RHOD: variants seen among roughly 807,000 people sequenced by gnomAD.
RHOD encodes ras homolog family member D.
RHOD carries 11 observed loss-of-function variants against 16.7 expected under a neutral mutation model. The observed-to-expected ratio is 0.66, with a 90% CI of 0.41 to 1.09. The LOEUF (loss-of-function observed/expected upper bound fraction) is 1.09, where lower values mean the gene tolerates loss of function less well. Ranked by LOEUF, RHOD falls within the 50% of genes least tolerant of loss-of-function variation. The pLI is 0.00. For synonymous variants in RHOD, 124 were observed against 126.3 expected (o/e 0.98, Z 0.12); for missense variants, 271 against 291.7 (o/e 0.93, Z 0.52).
At chr11:67,061,651 T>C (rs1227362396) in intron 1 of RHOD, among the ~76,000 whole-genome samples, 3 of 104,048 alleles carry the variant, frequency 2.9e-5, no homozygotes, top group Non-Finnish European at 5.9e-5. Context: ...AAAAAAAAAA[T>C]CAAACCCGGG....
intron 4 of RHOD, 126 bp from the exon 5 acceptor site, chr11:67,071,309 C>A (rs1855026381): frequency 1.3e-6 from 1 of 781,898 alleles, no homozygotes; most frequent in Non-Finnish European, 1.9e-6. Context: ...CTTGGGCAAG[C>A]AGGGATACGG....
intron 1 of RHOD, among the ~76,000 whole-genome samples, chr11:67,060,021 C>A (rs895202613): frequency 1.3e-5 from 2 of 152,228 alleles, no homozygotes; most frequent in Non-Finnish European, 2.9e-5. Flanking sequence ...AGGGGGAAGC[C>A]CCAGGCTGGG....
chr11:67,060,035 C>T (rs1854867495), intron 1 of RHOD, among the ~76,000 whole-genome samples: 1 of 152,232 alleles, frequency 6.6e-6, no homozygotes, highest in Non-Finnish European at 1.5e-5. Flanking sequence ...GGCTGGGGTG[C>T]CAGCCTCTGC....
At chr11:67,069,560 T>C (rs1053126868) in intron 3 of RHOD, among the ~76,000 whole-genome samples, 7 of 152,022 alleles carry the variant, frequency 4.6e-5, no homozygotes, top group Admixed American at 3.9e-4. Context: ...GGTTTCCCCT[T>C]GTTGGCCAGG....
chr11:67,066,908 C>A, intron 3 of RHOD, 61 bp downstream of exon 3: 1 of 1,083,846 alleles, frequency 9.2e-7, no homozygotes, highest in Non-Finnish European at 1.4e-6. Context: ...CTCTGCCACC[C>A]ACCCTCGACC....
rs1652827218 is a variant in RHOD, at chr11:67,057,023, G to T, written c.121G>T (p.Ala41Ser). The T allele has an allele frequency of 1.3e-6, 2 of 1,494,580 alleles. No individual in the cohort carries two copies. The highest frequency in any genetic ancestry group is 1.5e-5 in the African/African-American group (1 of 68,900). 92.6% of individuals were successfully genotyped at this position (1,494,580 alleles called of 1,614,324 possible). A position where few individuals can be genotyped will look rare whatever the true frequency, so the allele number is the denominator to read the frequency against. ...TSLLMVFADG[A>S]FPESYTPTVF... ...GCTGCTGATGGTCTTCGCCGATGGG[G>T]CCTTCCCCGAGGTGAGTGCCCCGCG... The change falls in exon 1 of 5, where the codon GCC (alanine) becomes TCC (serine). Residue 41 changes from alanine (A) to serine (S), a missense_variant. By Grantham distance (99) the Ala-to-Ser change is moderately conservative. Transcript: ENST00000308831.
At chr11:67,066,012 G>GGGGGGGT in intron 2 of RHOD, 29 bp downstream of exon 2, 2 of 581,424 alleles carry the variant, frequency 3.4e-6, no homozygotes, top group East Asian at 4.3e-5. Context: ...GGCAGGGTGG[G>GGGGGGGT]AGGGGCTTCT....
intron 3 of RHOD, among the ~76,000 whole-genome samples, chr11:67,068,531 G>A (rs1854987219): frequency 6.6e-6 from 1 of 152,180 alleles, no homozygotes; most frequent in Admixed American, 6.5e-5. Context: ...TCTGATGGTG[G>A]CCGGGTGCGG....
intron 4 of RHOD, 148 bp from the exon 5 acceptor site, chr11:67,071,287 T>A (rs1590673917): frequency 2.0e-6 from 1 of 507,458 alleles, no homozygotes; most frequent in South Asian, 4.3e-5. Flanking sequence ...CATGATGAAG[T>A]GCATGAGGGC....
In RHOD at chr11:67,064,234, G is replaced by A. The variant is rs528269607; in HGVS notation, c.133-1662G>A. Among the ~76,000 whole-genome samples the A allele has an allele frequency of 2.0e-3, 306 of 150,928 alleles. 1 individual carries two copies. The highest frequency in any genetic ancestry group is 7.0e-3 in the African/African-American group (286 of 41,142). ...ATCCTGGCTAACACGGTGAAACCCC[G>A]TCTCTACTAAAAATACAAAAAATTA... On this transcript the variant is annotated intron_variant, in intron 1 of 4. Transcript: ENST00000308831.
chr11:67,068,003 G>A, intron 3 of RHOD, among the ~76,000 whole-genome samples: 1 of 152,126 alleles, frequency 6.6e-6, no homozygotes, highest in Non-Finnish European at 1.5e-5. Context: ...GTTTCACCAT[G>A]TTAGCCAGGA....
chr11:67,066,065 C>A, intron 2 of RHOD, 82 bp downstream of exon 2: 3 of 1,171,944 alleles, frequency 2.6e-6, no homozygotes, highest in Non-Finnish European at 2.5e-6. Flanking sequence ...CTGCTTCCTT[C>A]TGAACCAGGG....
rs777537787 is a variant in RHOD, at chr11:67,071,593, G to A, written c.624G>A (p.Val208=). The A allele has an allele frequency of 6.2e-7, 1 of 1,605,304 alleles. No homozygotes were observed. Among genetic ancestry groups the A allele is most frequent in the South Asian group, 1.1e-5 (1 of 90,074 alleles). Reference sequence around the variant, plus strand: ...GGCGGATTACCCAGGGCTTTTGCGTGGTGACCTGAGCGGCTCGGGGCGTCC... The same window carrying A: ...GGCGGATTACCCAGGGCTTTTGCGTAGTGACCTGAGCGGCTCGGGGCGTCC... The part of the protein sequence containing the change: ...FWRRITQGFC[V]VT Residue 208 remains valine, a synonymous_variant, in exon 5 of 5, where the codon GTG becomes GTA. Coordinates refer to ENST00000308831, the MANE Select transcript of RHOD (RefSeq NM_014578.4).
intron 1 of RHOD, among the ~76,000 whole-genome samples, chr11:67,060,095 C>T (rs1004872275): frequency 1.3e-5 from 2 of 152,218 alleles, no homozygotes; most frequent in Admixed American, 6.5e-5. Flanking sequence ...AGGTTCAAAG[C>T]CTAGCAGCCC....
chr11:67,067,036 AG>A (rs1854967491), intron 3 of RHOD, among the ~76,000 whole-genome samples, 189 bp downstream of exon 3: 1 of 152,214 alleles, frequency 6.6e-6, no homozygotes, highest in African/African-American at 2.4e-5. Context: ...TTGCTGGCAC[AG>A]GGATTTGGTG....
intron 1 of RHOD, among the ~76,000 whole-genome samples, chr11:67,063,735 G>A (rs188206653): frequency 2.8e-5 from 4 of 140,480 alleles, no homozygotes; most frequent in Admixed American, 1.6e-4. Flanking sequence ...GGAGGCAGAA[G>A]TTGCATTGAC....
chr11:67,060,698 G>A (rs11227671), intron 1 of RHOD, among the ~76,000 whole-genome samples: 6,706 of 152,346 alleles, frequency 0.044, 213 homozygotes, highest in African/African-American at 0.093. Flanking sequence ...AGTGAAGGTT[G>A]TACTGACGTT....
chr11:67,059,572 A>G (rs1227338331), intron 1 of RHOD, among the ~76,000 whole-genome samples: 2 of 149,584 alleles, frequency 1.3e-5, no homozygotes, highest in Admixed American at 6.7e-5. Context: ...ATATATATAT[A>G]TGTAATTAAA....
At chr11:67,062,688 G>C (rs543271741) in intron 1 of RHOD, among the ~76,000 whole-genome samples, 1 of 152,236 alleles carries the variant, frequency 6.6e-6, no homozygotes, top group Admixed American at 6.5e-5. Flanking sequence ...GCTGGCCAGG[G>C]CCTGACTCAG....
Sources: gnomAD v4.1 joint callset for allele counts (sites outside exome capture counted in the v4.1 genomes callset) on GRCh38, gnomAD v4.1.1 for gene constraint, MANE v1.5 for transcripts, NCBI Gene and HGNC (gene_info 2026-07-23, HGNC 2026-07-21) for gene names.